The following UNC13B variants were observed in gnomAD, a reference collection of about 807,000 sequenced individuals.
UNC13B encodes protein unc-13 homolog B.
UNC13B carries 144 observed loss-of-function variants against 211.0 expected under a neutral mutation model. The ratio of observed to expected loss-of-function variants is 0.68; its 90% CI spans 0.60 to 0.78. The LOEUF (loss-of-function observed/expected upper bound fraction) is 0.78. UNC13B is among the 30% of genes least tolerant of loss of function. The pLI is 0.00. For synonymous variants in UNC13B, 709 were observed against 725.8 expected, an observed-to-expected ratio of 0.98 and a Z score of 0.37; for missense variants, 1,777 against 2,002.0, an observed-to-expected ratio of 0.89 and a Z score of 2.14.
At chr9:35,168,683 A>G (rs577886014) in intron 1 of UNC13B, among the ~76,000 whole-genome samples, 6 of 148,292 alleles carry the variant, frequency 4.0e-5, no homozygotes, top group African/African-American at 9.9e-5. Context: ...TTTATTTTCC[A>G]TATGAACATG....
At chr9:35,314,261 G>A (rs555867976) in intron 11 of UNC13B, among the ~76,000 whole-genome samples, 74 of 152,224 alleles carry the variant, frequency 4.9e-4, no homozygotes, top group East Asian at 4.1e-3. Context: ...CTTTGAAGCC[G>A]TTTGAGTTTA....
chr9:35,326,861 A>G (rs1306879243), intron 11 of UNC13B, among the ~76,000 whole-genome samples: 1 of 152,202 alleles, frequency 6.6e-6, no homozygotes, highest in Non-Finnish European at 1.5e-5. Flanking sequence ...CTAAGGAGGG[A>G]CTACCGTAAT....
intron 11 of UNC13B, among the ~76,000 whole-genome samples, chr9:35,323,404 G>T (rs1451620223): frequency 6.6e-6 from 1 of 152,052 alleles, no homozygotes; most frequent in African/African-American, 2.4e-5. Flanking sequence ...TAATGTAGTT[G>T]CAATGCAAAT....
intron 7 of UNC13B, among the ~76,000 whole-genome samples, chr9:35,272,199 A>G (rs1030894383): frequency 7.7e-6 from 1 of 130,158 alleles, no homozygotes; most frequent in Non-Finnish European, 1.7e-5. Flanking sequence ...CCACAAGGAA[A>G]TATAATTTTT....
At chr9:35,254,133 G>A (rs1826676033) in intron 6 of UNC13B, among the ~76,000 whole-genome samples, 1 of 152,122 alleles carries the variant, frequency 6.6e-6, no homozygotes, top group Non-Finnish European at 1.5e-5. Context: ...TACCCTCATG[G>A]ATCACATAGG....
Position 35,236,477 on chromosome 9 carries a change from G to C in UNC13B, c.161G>C (p.Ser54Thr). 6.2e-7 allele frequency: 1 copy of C among 1,613,942 alleles called. No individual in the cohort carries two copies. The highest frequency in any genetic ancestry group is 8.5e-7 in the Non-Finnish European group (1 of 1,179,882). ...SWEQDFMFEI[S>T]RLDLGLSVEV... ...TTTCCTCTTTCCCTTAGTGAGATTA[G>C]TCGCCTGGACCTGGGTCTAAGTGTG... The change falls in exon 4 of 40, where the codon AGT (serine) becomes ACT (threonine). Residue 54 changes from serine (S) to threonine (T), a missense_variant. Ser to Thr is a moderately conservative substitution (Grantham distance 58). Transcript: ENST00000635942.
chr9:35,206,626 AG>A (rs1163451106), intron 1 of UNC13B, among the ~76,000 whole-genome samples: 1 of 152,164 alleles, frequency 6.6e-6, no homozygotes, highest in Admixed American at 6.5e-5. Context: ...CTGTAATCCC[AG>A]CACTTTGGGA....
intron 5 of UNC13B, among the ~76,000 whole-genome samples, chr9:35,240,600 G>GT (rs1299506919): frequency 6.6e-6 from 1 of 151,808 alleles, no homozygotes; most frequent in African/African-American, 2.4e-5. Context: ...TTGAATAAAT[G>GT]TTTTTTCTTT....
chr9:35,166,641 A>G (rs1358420194), intron 1 of UNC13B, among the ~76,000 whole-genome samples: 1 of 152,048 alleles, frequency 6.6e-6, no homozygotes, highest in Non-Finnish European at 1.5e-5. Flanking sequence ...ACCACACCCA[A>G]CTATTGTTAA....
intron 1 of UNC13B, among the ~76,000 whole-genome samples, chr9:35,211,733 C>T (rs1823977069): frequency 6.6e-6 from 1 of 152,202 alleles, no homozygotes; most frequent in African/African-American, 2.4e-5. Context: ...CTCTGTCCCT[C>T]ATCATTACGG....
intron 11 of UNC13B, among the ~76,000 whole-genome samples, chr9:35,332,575 G>C (rs1384434761): frequency 6.6e-6 from 1 of 151,914 alleles, no homozygotes; most frequent in Non-Finnish European, 1.5e-5. Context: ...GTTTCCCTTT[G>C]TGTTCGGGTT....
chr9:35,163,884 T>G (rs971487007), intron 1 of UNC13B, among the ~76,000 whole-genome samples: 2 of 152,248 alleles, frequency 1.3e-5, no homozygotes, highest in African/African-American at 4.8e-5. Flanking sequence ...GCCATTGTCT[T>G]TTTGAATAGA....
chr9:35,255,788 G>A (rs1459799501), intron 6 of UNC13B, among the ~76,000 whole-genome samples: 3 of 152,126 alleles, frequency 2.0e-5, no homozygotes, highest in Admixed American at 2.0e-4. Flanking sequence ...GACTCTTGGA[G>A]CCAGAGGCTG....
At chr9:35,186,297 C>T (rs766149454) in intron 1 of UNC13B, among the ~76,000 whole-genome samples, 6 of 152,160 alleles carry the variant, frequency 3.9e-5, no homozygotes, top group East Asian at 1.9e-4. Context: ...TTGGCTTTCA[C>T]GGCTCCCTTA....
Position 35,399,294 on chromosome 9 carries a change from C to T in UNC13B, c.12198+10C>T, listed in dbSNP as rs767776510. ...ACTCACTGACCAGACGGTAAGGACA[C>T]CTCCTTCCACTTCCTCCTGCTGTCT... is the stretch of plus-strand genomic sequence containing the variant. On this transcript the variant is annotated intron_variant, in intron 34 of 39. Transcript: ENST00000635942. The T allele has an allele frequency of 2.5e-6, 4 of 1,614,132 alleles. No individual in the cohort carries two copies. In the South Asian group the frequency reaches 4.4e-5, roughly 18 times the overall value.
At position 35,302,607 on chromosome 9, in the gene UNC13B, A is replaced by G; in HGVS notation, c.3203A>G (p.His1068Arg). The G allele has an allele frequency of 5.0e-6, 2 of 398,710 alleles. No homozygotes were observed. Among genetic ancestry groups the G allele is most frequent in the Non-Finnish European group, 8.9e-6 (2 of 225,772 alleles). 24.7% of individuals were successfully genotyped at this position (398,710 alleles called of 1,614,324 possible). A position where few individuals can be genotyped will look rare whatever the true frequency, so the allele number is the denominator to read the frequency against. ...ATAGAGGAATTAAATCCAAGTGACC[A>G]CACAGCAGGACAGAATTTTGAAAGG... ...GNIEELNPSD[H>R]TAGQNFERDG... is the part of the protein sequence containing the mutation. The change falls in exon 9 of 40, where the codon CAC (histidine) becomes CGC (arginine). Residue 1068 changes from histidine to arginine, a missense_variant. His to Arg is a conservative substitution (Grantham distance 29). Transcript: ENST00000635942.
chr9:35,389,935 A>G lies in UNC13B; in HGVS notation c.11184A>G (p.Ile3728Met), dbSNP rs760029232. 2 of 1,614,148 alleles carry G rather than the reference A, an allele frequency of 1.2e-6. No homozygotes were observed. The highest frequency in any genetic ancestry group is 1.7e-6 in the Non-Finnish European group (2 of 1,179,998). Residue 3728 changes from isoleucine to methionine, a missense_variant, in exon 25 of 40, where the codon ATA becomes ATG. Transcript: ENST00000635942. ...PKLITLIVSIIEEDKNSYTPV... is the reference protein window; with the variant it reads ...PKLITLIVSIMEEDKNSYTPV... ...TCATCACACTCATCGTGTCAATCAT[A>G]GAGGAAGATAAGAATTCCTACACAC... is the stretch of plus-strand genomic sequence containing the variant.
intron 11 of UNC13B, chr9:35,351,228 C>A: frequency 1.0e-6 from 1 of 997,970 alleles, no homozygotes; most frequent in Non-Finnish European, 1.2e-6. Context: ...TGCTTGACAA[C>A]TTGATTCAAA....
At chr9:35,257,899 C>T (rs566342750) in intron 6 of UNC13B, among the ~76,000 whole-genome samples, 103 of 152,212 alleles carry the variant, frequency 6.8e-4, no homozygotes, top group Non-Finnish European at 1.1e-3. Context: ...CCTCATGTTC[C>T]CTACAGTTCA....
Sources: allele counts gnomAD v4.1 joint callset (sites outside exome capture counted in the v4.1 genomes callset), GRCh38; gene constraint gnomAD v4.1.1; transcripts MANE v1.5; gene names NCBI Gene and HGNC (gene_info 2026-07-23, HGNC 2026-07-21).